Variants in GKAP1 observed in about 807,000 individuals in gnomAD.
GKAP1 encodes the protein G kinase-anchoring protein 1.
GKAP1 carries 31 observed loss-of-function variants against 56.7 expected under a neutral mutation model. That is an observed-to-expected ratio of 0.55 (90% CI 0.41 to 0.74). GKAP1 has a LOEUF of 0.74. GKAP1 is among the 30% of genes least tolerant of loss of function. The pLI is 0.00. For synonymous variants in GKAP1, 151 were observed against 138.6 expected (o/e 1.09, Z -0.63); for missense variants, 364 against 402.3 (o/e 0.90, Z 0.82).
intron 8 of GKAP1, among the ~76,000 whole-genome samples, chr9:83,766,184 C>G (rs989377381): frequency 1.2e-4 from 18 of 152,286 alleles, no homozygotes; most frequent in African/African-American, 4.3e-4. Context: ...CCCCCTTCAC[C>G]TGGCACTCAT....
rs1264892337 is a variant in GKAP1, at chr9:83,779,444, T to TACACACACACACACACAC, written c.585+937_585+938insGTGTGTGTGTGTGTGTGT. Reference sequence around the variant, plus strand: ...CAGAAGCCATATATATATATATATATATATACACACACACACACACGCACA... The same window carrying TACACACACACACACACAC: ...CAGAAGCCATATATATATATATATATACACACACACACACACACATATACACACACACACACACGCACA... On this transcript the variant is annotated intron_variant, in intron 7 of 12. Transcript: ENST00000376371. 3.3e-3 allele frequency among the ~76,000 whole-genome samples: 276 copies of TACACACACACACACACAC among 82,760 alleles called. 5 individuals are homozygous for TACACACACACACACACAC. The highest frequency in any genetic ancestry group is 0.013 in the Middle Eastern group (2 of 158). The allele number at this position is 82,760 out of a possible 152,430, so 54.3% of individuals were successfully genotyped here.
At chr9:83,779,471 A>ACACACACG (rs1564201465) in intron 7 of GKAP1, among the ~76,000 whole-genome samples, 16 of 93,064 alleles carry the variant, frequency 1.7e-4, no homozygotes, top group Admixed American at 7.1e-4. Flanking sequence ...ACACGCACAT[A>ACACACACG]TACATATACA....
At chr9:83,742,393 A>C in intron 11 of GKAP1, 137 bp downstream of exon 11, 1 of 615,566 alleles carries the variant, frequency 1.6e-6, no homozygotes, top group Admixed American at 2.9e-5. Flanking sequence ...ATCTTCATTC[A>C]TGGGCTATTA....
rs922929445 is a variant in GKAP1, at chr9:83,814,155, T to C, written c.-44+2841A>G. ...CAATGTCAAAAATATAACAAAGTCT[T>C]TATTTTACATATACTTCATACCCAA... On this transcript the variant is annotated intron_variant, in intron 2 of 12. Coordinates refer to ENST00000376371, the MANE Select transcript of GKAP1 (RefSeq NM_025211.4). Among the ~76,000 whole-genome samples the C allele has an allele frequency of 4.6e-5, 7 of 152,156 alleles. No individual in the cohort carries two copies. The East Asian group carries it at 5.8e-4, about 13-fold the overall frequency.
At chr9:83,765,689 A>G (rs1453900687) in intron 8 of GKAP1, among the ~76,000 whole-genome samples, 1 of 152,186 alleles carries the variant, frequency 6.6e-6, no homozygotes, top group Non-Finnish European at 1.5e-5. Context: ...CGGAACTTTA[A>G]GGTTTAATGA....
chr9:83,754,889 A>G (rs1476193103), intron 8 of GKAP1, among the ~76,000 whole-genome samples: 1 of 152,202 alleles, frequency 6.6e-6, no homozygotes, highest in East Asian at 1.9e-4. Context: ...GTGAGGTAAG[A>G]CAGGTAGAAA....
At chr9:83,814,732 G>C (rs1242323206) in intron 2 of GKAP1, among the ~76,000 whole-genome samples, 1 of 152,232 alleles carries the variant, frequency 6.6e-6, no homozygotes, top group Non-Finnish European at 1.5e-5. Flanking sequence ...TATGTGAAGT[G>C]CACAATAGAC....
At chr9:83,772,349 A>G (rs1038393309) in intron 7 of GKAP1, among the ~76,000 whole-genome samples, 1 of 152,170 alleles carries the variant, frequency 6.6e-6, no homozygotes, top group Non-Finnish European at 1.5e-5. Context: ...TTTATTAAGG[A>G]TATAAGAGTG....
chr9:83,806,286 C>A lies in GKAP1; in HGVS notation c.216+16G>T, dbSNP rs557230756. ...CCATCTACTGGGAAAGCAGACAACA[C>A]AGATAATTGTGTTACCTCATTTGCT... On this transcript the variant is annotated intron_variant, in intron 3 of 12. Coordinates refer to ENST00000376371, the MANE Select transcript of GKAP1 (RefSeq NM_025211.4). The A allele has an allele frequency of 3.3e-5, 50 of 1,495,846 alleles. No individual in the cohort carries two copies. In the East Asian group the frequency reaches 7.6e-4, roughly 23 times the overall value. 92.7% of individuals were successfully genotyped at this position (1,495,846 alleles called of 1,614,324 possible). A position where few individuals can be genotyped will look rare whatever the true frequency, so the allele number is the denominator to read the frequency against.
chr9:83,803,420 T>C (rs1345184204), intron 3 of GKAP1, among the ~76,000 whole-genome samples: 1 of 152,020 alleles, frequency 6.6e-6, no homozygotes, highest in Non-Finnish European at 1.5e-5. Flanking sequence ...GCCTGACTGG[T>C]TTTCGTACTT....
chr9:83,812,218 T>C lies in GKAP1; in HGVS notation c.-44+4778A>G, dbSNP rs111310754. Among the ~76,000 whole-genome samples, 11 of 148,018 alleles carry C rather than the reference T, an allele frequency of 7.4e-5. 1 individual carries two copies. Among genetic ancestry groups the C allele is most frequent in the African/African-American group, 2.5e-4 (10 of 40,216 alleles). On this transcript the variant is annotated intron_variant, in intron 2 of 12. Coordinates refer to ENST00000376371, the MANE Select transcript of GKAP1 (RefSeq NM_025211.4). ...ACACATATATATACACATACATACA[T>C]ACACACACACATGTATACATATATA...
At chr9:83,810,282 C>A (rs1008231030) in intron 2 of GKAP1, among the ~76,000 whole-genome samples, 1 of 152,054 alleles carries the variant, frequency 6.6e-6, no homozygotes, top group Non-Finnish European at 1.5e-5. Context: ...GTACTCAATT[C>A]TAAGAAATCA....
At chr9:83,753,846 C>G (rs879866201) in intron 8 of GKAP1, among the ~76,000 whole-genome samples, 4 of 151,956 alleles carry the variant, frequency 2.6e-5, no homozygotes, top group Non-Finnish European at 4.4e-5. Context: ...TGATCAGGAC[C>G]AACACTAAGA....
At chr9:83,793,937 T>G (rs962972737) in intron 4 of GKAP1, among the ~76,000 whole-genome samples, 7 of 152,062 alleles carry the variant, frequency 4.6e-5, no homozygotes, top group African/African-American at 1.2e-4. Flanking sequence ...GAAGCTGAGG[T>G]ATGTGGACTG....
At chr9:83,798,880 T>A (rs879855563) in intron 4 of GKAP1, among the ~76,000 whole-genome samples, 8 of 152,136 alleles carry the variant, frequency 5.3e-5, no homozygotes, top group Non-Finnish European at 1.0e-4. Context: ...TGTGATTTTC[T>A]TACTTGGAAT....
chr9:83,808,998 G>C lies in GKAP1; in HGVS notation c.-43-2438C>G, dbSNP rs577454680. Among the ~76,000 whole-genome samples, 20 of 152,324 alleles carry C rather than the reference G, an allele frequency of 1.3e-4. No individual in the cohort carries two copies. In the South Asian group the frequency reaches 3.9e-3, roughly 30 times the overall value. On this transcript the variant is annotated intron_variant, in intron 2 of 12. Transcript: ENST00000376371. ...CAAAGCCCCCTTACTAACCTGTGGT[G>C]GACATGGTAGCTTGAGCAAGAAAGC...
intron 2 of GKAP1, among the ~76,000 whole-genome samples, chr9:83,814,608 A>C (rs1944557247): frequency 6.6e-6 from 1 of 152,234 alleles, no homozygotes; most frequent in African/African-American, 2.4e-5. Context: ...ATACCACAGG[A>C]TCTGGCACAT....
At chr9:83,814,538 C>T (rs1305259485) in intron 2 of GKAP1, among the ~76,000 whole-genome samples, 2 of 152,164 alleles carry the variant, frequency 1.3e-5, no homozygotes, top group Non-Finnish European at 2.9e-5. Context: ...TATTGTTGTG[C>T]CTAGCCCCTA....
At chr9:83,767,461 G>C (rs1191540102) in intron 8 of GKAP1, among the ~76,000 whole-genome samples, 3 of 151,156 alleles carry the variant, frequency 2.0e-5, no homozygotes, top group Non-Finnish European at 4.4e-5. Flanking sequence ...CTGGGTTCAA[G>C]TGATTCTCCT....
Sources: gnomAD v4.1 joint callset for allele counts (sites outside exome capture counted in the v4.1 genomes callset) on GRCh38, gnomAD v4.1.1 for gene constraint, MANE v1.5 for transcripts, NCBI Gene and HGNC (gene_info 2026-07-23, HGNC 2026-07-21) for gene names.